NUMB: variants seen among roughly 807,000 people sequenced by gnomAD.
NUMB encodes NUMB endocytic adaptor protein.
NUMB carries 29 observed loss-of-function variants against 59.7 expected under a neutral mutation model. The ratio of observed to expected loss-of-function variants is 0.49; its 90% CI spans 0.36 to 0.66. The LOEUF is 0.66. Ranked by LOEUF, NUMB falls within the 30% of genes least tolerant of loss-of-function variation. The probability of loss-of-function intolerance (pLI) is 0.00; values close to 1 mark genes in which losing one functional copy is unlikely to be tolerated. For missense variants in NUMB, 723 were observed against 822.0 expected (o/e 0.88, Z 1.47); for synonymous variants, 288 against 288.2 (o/e 1.00, Z 0.01).
At chr14:73,286,225 A>ATTTTTTTTT (rs1888994786) in intron 9 of NUMB, 1 of 28,906 alleles carries the variant, frequency 3.5e-5, no homozygotes, top group African/African-American at 2.3e-4. Context: ...TTTTTTTTTA[A>ATTTTTTTTT]GGGATAGAGT....
rs535583743 is a variant in NUMB, at chr14:73,280,908, G to A, written c.1096+1451C>T. On this transcript the variant is annotated intron_variant, in intron 11 of 12. Coordinates refer to ENST00000555238, the MANE Select transcript of NUMB (RefSeq NM_001005743.2). ...GAGGTTTCACCATGTTGGCTAGGCTGGTCTCGAACTCCTGACCTCTGGTGA... is the reference window on the plus strand; with the variant it reads ...GAGGTTTCACCATGTTGGCTAGGCTAGTCTCGAACTCCTGACCTCTGGTGA... Among the ~76,000 whole-genome samples the A allele has an allele frequency of 2.0e-4, 30 of 152,002 alleles. 1 individual carries two copies. The South Asian group carries it at 6.2e-3, about 32-fold the overall frequency.
intron 3 of NUMB, among the ~76,000 whole-genome samples, chr14:73,366,641 A>G (rs11850566): frequency 6.6e-6 from 1 of 152,158 alleles, no homozygotes; most frequent in Non-Finnish European, 1.5e-5. Flanking sequence ...GTAAATGAAG[A>G]GGCTAAAGGA....
At chr14:73,369,243 A>G (rs1894545343) in intron 2 of NUMB, among the ~76,000 whole-genome samples, 2 of 152,198 alleles carry the variant, frequency 1.3e-5, no homozygotes, top group African/African-American at 4.8e-5. Flanking sequence ...GGGTTTCACC[A>G]TGTTGGCCAG....
intron 4 of NUMB, among the ~76,000 whole-genome samples, chr14:73,352,496 A>ATGTTTTTT (rs1893409985): frequency 9.9e-5 from 1 of 10,152 alleles, no homozygotes; most frequent in African/African-American, 4.4e-4. Flanking sequence ...ATATATATAT[A>ATGTTTTTT]TATATATATA....
intron 1 of NUMB, among the ~76,000 whole-genome samples, chr14:73,445,134 G>C (rs1883382005): frequency 6.6e-6 from 1 of 151,444 alleles, no homozygotes; most frequent in African/African-American, 2.4e-5. Context: ...TACTAACGTG[G>C]GTGCAGATAT....
At chr14:73,406,148 GGTTT>G (rs1420098467) in intron 2 of NUMB, among the ~76,000 whole-genome samples, 4 of 151,006 alleles carry the variant, frequency 2.6e-5, no homozygotes, top group Non-Finnish European at 5.9e-5. Context: ...ACAACGTGCA[GGTTT>G]GTTACATATG....
Position 73,276,528 on chromosome 14 carries a change from C to T in NUMB, c.*50G>A, listed in dbSNP as rs45624841. On this transcript the variant is annotated 3_prime_UTR_variant, in exon 13 of 13. Transcript: ENST00000555238. ...GTCTGTTTTGCTCCTTTGACCGCTA[C>T]CCCCTGCTCCCTGTCTGGTATGGAC... 2,253 of 1,451,046 alleles carry T rather than the reference C, an allele frequency of 1.6e-3. 6 individuals carry two copies. Among genetic ancestry groups the T allele is most frequent in the Middle Eastern group, 2.6e-3 (13 of 5,010 alleles). 89.9% of individuals were successfully genotyped at this position (1,451,046 alleles called of 1,614,324 possible).
chr14:73,294,787 G>A (rs898466325), intron 7 of NUMB, among the ~76,000 whole-genome samples: 1 of 51,128 alleles, frequency 2.0e-5, no homozygotes, highest in African/African-American at 7.7e-5. Context: ...CCAAAGTGCT[G>A]GGATTACAGG....
At chr14:73,406,313 C>T (rs1350398088) in intron 2 of NUMB, among the ~76,000 whole-genome samples, 1 of 136,814 alleles carries the variant, frequency 7.3e-6, no homozygotes, top group Non-Finnish European at 1.5e-5. Flanking sequence ...TCTCATTGTT[C>T]AATTCCCACC....
At chr14:73,380,371 G>A (rs776410817) in intron 2 of NUMB, among the ~76,000 whole-genome samples, 2 of 152,214 alleles carry the variant, frequency 1.3e-5, no homozygotes, top group East Asian at 3.8e-4. Context: ...CAGACAGAAG[G>A]AGGAGCAGGT....
At chr14:73,359,220 C>T (rs578006940) in intron 3 of NUMB, among the ~76,000 whole-genome samples, 1 of 152,282 alleles carries the variant, frequency 6.6e-6, no homozygotes, top group East Asian at 1.9e-4. Context: ...TTATCACTAG[C>T]CTGTAATTCT....
intron 7 of NUMB, among the ~76,000 whole-genome samples, chr14:73,295,683 C>CGGA (rs1006715513): frequency 2.6e-5 from 4 of 152,100 alleles, no homozygotes; most frequent in African/African-American, 4.8e-5. Flanking sequence ...CAGACTTTCT[C>CGGA]CCCTTTCAGT....
chr14:73,399,689 C>T (rs1028558072), intron 2 of NUMB, among the ~76,000 whole-genome samples: 10 of 152,160 alleles, frequency 6.6e-5, no homozygotes, highest in African/African-American at 2.4e-4. Flanking sequence ...TTTGAGCTTA[C>T]AGTGAACAAT....
chr14:73,402,680 C>A lies in NUMB; in HGVS notation c.-101+7257G>T, dbSNP rs144269616. ...TTATCTCCTTCACACTTCACGACTG[C>A]CTTGAAAGTCAGATATTATTAATTC... On this transcript the variant is annotated intron_variant, in intron 2 of 12. Transcript: ENST00000555238. Among the ~76,000 whole-genome samples, 3 of 152,272 alleles carry A rather than the reference C, an allele frequency of 2.0e-5. No individual in the cohort carries two copies. The East Asian group carries it at 5.8e-4, about 29-fold the overall frequency.
At chr14:73,372,955 T>C (rs1894783166) in intron 2 of NUMB, among the ~76,000 whole-genome samples, 1 of 152,246 alleles carries the variant, frequency 6.6e-6, no homozygotes, top group African/African-American at 2.4e-5. Context: ...CATCTGATTC[T>C]GTTTATACTT....
intron 4 of NUMB, among the ~76,000 whole-genome samples, chr14:73,352,514 A>G (rs1566756319): frequency 4.0e-4 from 5 of 12,384 alleles, no homozygotes; most frequent in Non-Finnish European, 5.3e-4. Flanking sequence ...ATATATATAT[A>G]TATATATATA....
intron 1 of NUMB, among the ~76,000 whole-genome samples, chr14:73,436,989 GA>G (rs1898081379): frequency 1.6e-5 from 2 of 127,790 alleles, no homozygotes; most frequent in African/African-American, 2.8e-5. Context: ...AAAAAATAAA[GA>G]AAAAAAAAGA....
chr14:73,369,789 C>T (rs1411391009), intron 2 of NUMB, among the ~76,000 whole-genome samples: 1 of 140,006 alleles, frequency 7.1e-6, no homozygotes, highest in Non-Finnish European at 1.6e-5. Flanking sequence ...AGCTCAATTA[C>T]TTTTCACAAA....
intron 2 of NUMB, among the ~76,000 whole-genome samples, chr14:73,391,980 C>T (rs769697965): frequency 2.0e-5 from 3 of 152,152 alleles, no homozygotes; most frequent in Non-Finnish European, 2.9e-5. Flanking sequence ...GTGCAGGGAA[C>T]ATTAACTAAA....
Sources: allele counts gnomAD v4.1 joint callset (sites outside exome capture counted in the v4.1 genomes callset), GRCh38; gene constraint gnomAD v4.1.1; transcripts MANE v1.5; gene names NCBI Gene and HGNC (gene_info 2026-07-23, HGNC 2026-07-21).